The following RBKS variants were observed in gnomAD, a reference collection of about 807,000 sequenced individuals.
The protein encoded by RBKS is ribokinase.
Under a neutral mutation model 33.9 loss-of-function variants are expected in RBKS, and 33 were observed. That is an observed-to-expected ratio of 0.97 (90% CI 0.74 to 1.30). RBKS has a LOEUF of 1.30. Among genes scored for constraint, RBKS ranks in the 50% most tolerant of loss-of-function variants. The probability of loss-of-function intolerance (pLI) is 0.00; values close to 1 mark genes in which losing one functional copy is unlikely to be tolerated. For synonymous variants in RBKS, 125 were observed against 143.0 expected, an observed-to-expected ratio of 0.87 and a Z score of 0.90; for missense variants, 361 against 392.6, an observed-to-expected ratio of 0.92 and a Z score of 0.68.
At chr2:27,870,341 T>C (rs1385210753) in intron 1 of RBKS, 2 of 159,262 alleles carry the variant, frequency 1.3e-5, no homozygotes, top group East Asian at 1.7e-4. Flanking sequence ...GTTGAGCAGG[T>C]TGAATATGTC....
Position 27,781,503 on chromosome 2 carries a change from T to G in RBKS, c.*112A>C, listed in dbSNP as rs1337244278. On this transcript the variant is annotated 3_prime_UTR_variant, in exon 8 of 8. Transcript: ENST00000302188. ...CTTGAGGATGACTTCGTAAAAGAAC[T>G]AATATTTGCAAAGAAAGGGGACGAG... The G allele has an allele frequency of 2.0e-5, 16 of 806,496 alleles. No individual in the cohort carries two copies. The highest frequency in any genetic ancestry group is 3.1e-5 in the Non-Finnish European group (16 of 517,768). The allele number at this position is 806,496 out of a possible 1,614,324, so 50.0% of individuals were successfully genotyped here. A position where few individuals can be genotyped will look rare whatever the true frequency, so the allele number is the denominator to read the frequency against.
intron 7 of RBKS, among the ~76,000 whole-genome samples, chr2:27,802,659 A>T (rs570760483): frequency 6.6e-5 from 10 of 152,140 alleles, no homozygotes; most frequent in Non-Finnish European, 1.2e-4. Context: ...AGCAACTCTA[A>T]GTTCAATGCA....
In RBKS at chr2:27,781,583, C is replaced by A. The variant is rs1181225616; in HGVS notation, c.*32G>T. The A allele has an allele frequency of 1.3e-6, 2 of 1,552,362 alleles. No individual in the cohort carries two copies. On this transcript the variant is annotated 3_prime_UTR_variant, in exon 8 of 8. Transcript: ENST00000302188. Reference sequence around the variant, plus strand: ...CAGCCACCCCCAAGTACATTTTATTCCCAGGTATATTTATTTTGGGACTAA... The same window carrying A: ...CAGCCACCCCCAAGTACATTTTATTACCAGGTATATTTATTTTGGGACTAA...
intron 4 of RBKS, among the ~76,000 whole-genome samples, chr2:27,845,650 A>C (rs997413398): frequency 6.6e-6 from 1 of 152,254 alleles, no homozygotes; most frequent in African/African-American, 2.4e-5. Context: ...GTTAGAATGC[A>C]AACTTTTATC....
At chr2:27,881,004 A>C (rs1373081533) in intron 1 of RBKS, among the ~76,000 whole-genome samples, 2 of 152,166 alleles carry the variant, frequency 1.3e-5, no homozygotes, top group African/African-American at 4.8e-5. Context: ...GCTTCAGCCC[A>C]GGAGTTCGAG....
At chr2:27,781,879 T>C in intron 7 of RBKS, 91 bp from the exon 8 acceptor site, 1 of 1,189,224 alleles carries the variant, frequency 8.4e-7, no homozygotes. Context: ...AAACTTAATT[T>C]TAGTTTTAGA....
intron 7 of RBKS, among the ~76,000 whole-genome samples, chr2:27,805,948 A>T (rs1289975527): frequency 6.6e-6 from 1 of 150,870 alleles, no homozygotes; most frequent in Non-Finnish European, 1.5e-5. Context: ...CTGGAGTGCA[A>T]TGGCATGATC....
chr2:27,825,689 G>C (rs1678298078), intron 7 of RBKS, among the ~76,000 whole-genome samples: 1 of 152,208 alleles, frequency 6.6e-6, no homozygotes, highest in Non-Finnish European at 1.5e-5. Flanking sequence ...GACAGGGAGG[G>C]AGCCAGTGAG....
intron 7 of RBKS, among the ~76,000 whole-genome samples, chr2:27,804,567 G>T (rs758898154): frequency 3.3e-5 from 5 of 152,056 alleles, no homozygotes; most frequent in Admixed American, 3.3e-4. Flanking sequence ...ACCTAATCTC[G>T]ATTTTAGCTG....
chr2:27,861,668 G>C lies in RBKS; in HGVS notation c.90-3097C>G, dbSNP rs553266807. On this transcript the variant is annotated intron_variant, in intron 1 of 7. Transcript: ENST00000302188. ...TAGTATGTTCCATTTCTTTTTGGGGGGGGGGTGGAGTCTCACTTTGTCTCC... is the reference window on the plus strand; with the variant it reads ...TAGTATGTTCCATTTCTTTTTGGGGCGGGGGTGGAGTCTCACTTTGTCTCC... The C allele has an allele frequency of 1.4e-4, 62 of 429,800 alleles. 1 individual carries two copies. The highest frequency in any genetic ancestry group is 8.5e-4 in the East Asian group (10 of 11,816). 26.6% of individuals were successfully genotyped at this position (429,800 alleles called of 1,614,324 possible). A position where few individuals can be genotyped will look rare whatever the true frequency, so the allele number is the denominator to read the frequency against.
At position 27,840,386 on chromosome 2, in the gene RBKS, A is replaced by G. The variant is rs1019606555; in HGVS notation, c.514+2681T>C. On this transcript the variant is annotated intron_variant, in intron 5 of 7. Transcript: ENST00000302188. ...CGCGCACACACACACACACACACAC[A>G]CACACACACCCTCCTCATGGAATAG... 5.3e-5 allele frequency among the ~76,000 whole-genome samples: 8 copies of G among 151,078 alleles called. No individual in the cohort carries two copies. The East Asian group carries it at 1.4e-3, about 26-fold the overall frequency.
chr2:27,855,597 A>G (rs1349649513), intron 2 of RBKS, among the ~76,000 whole-genome samples: 2 of 152,252 alleles, frequency 1.3e-5, no homozygotes, highest in African/African-American at 4.8e-5. Context: ...CTTTCATTTT[A>G]TACAATATCT....
At chr2:27,789,868 ATG>A (rs112593610) in intron 7 of RBKS, among the ~76,000 whole-genome samples, 2,969 of 130,872 alleles carry the variant, frequency 0.023, 43 homozygotes, top group Middle Eastern at 0.058. Flanking sequence ...TGGCCAGCTG[ATG>A]TGTGTGTGTG....
chr2:27,792,184 T>C (rs1349106582), intron 7 of RBKS, among the ~76,000 whole-genome samples: 1 of 152,242 alleles, frequency 6.6e-6, no homozygotes, highest in Non-Finnish European at 1.5e-5. Flanking sequence ...GTCCTTATAT[T>C]GAGAGCTCCA....
chr2:27,854,091 C>T (rs1663803014), intron 2 of RBKS, among the ~76,000 whole-genome samples: 1 of 152,194 alleles, frequency 6.6e-6, no homozygotes, highest in African/African-American at 2.4e-5. Flanking sequence ...TGGAGAAGCA[C>T]TGGCCTTGTT....
At chr2:27,874,175 C>T (rs534213613) in intron 1 of RBKS, among the ~76,000 whole-genome samples, 2 of 152,270 alleles carry the variant, frequency 1.3e-5, no homozygotes, top group East Asian at 1.9e-4. Flanking sequence ...GTAGAAAGTA[C>T]TAAAAAGTGA....
intron 5 of RBKS, among the ~76,000 whole-genome samples, chr2:27,841,852 T>C (rs1663519614): frequency 6.6e-6 from 1 of 152,166 alleles, no homozygotes; most frequent in South Asian, 2.1e-4. Flanking sequence ...CACAGAACTA[T>C]TGCCACAATA....
chr2:27,889,614 A>G (rs138446982), intron 1 of RBKS, among the ~76,000 whole-genome samples: 4 of 152,362 alleles, frequency 2.6e-5, no homozygotes, highest in Admixed American at 6.5e-5. Flanking sequence ...ATTTTCTATC[A>G]TAATTTGATC....
chr2:27,878,372 A>G (rs1164118487), intron 1 of RBKS, among the ~76,000 whole-genome samples: 8 of 150,656 alleles, frequency 5.3e-5, no homozygotes, highest in African/African-American at 1.7e-4. Flanking sequence ...ATCATTTTTT[A>G]TGGCTGCATA....
Sources: gnomAD v4.1 joint callset for allele counts (sites outside exome capture counted in the v4.1 genomes callset) on GRCh38, gnomAD v4.1.1 for gene constraint, MANE v1.5 for transcripts, NCBI Gene and HGNC (gene_info 2026-07-23, HGNC 2026-07-21) for gene names.